The following ACSM2B variants were observed in gnomAD, a reference collection of about 807,000 sequenced individuals.
ACSM2B encodes acyl-CoA synthetase medium chain family member 2B.
ACSM2B carries 58 observed loss-of-function variants against 78.6 expected under a neutral mutation model. The observed-to-expected ratio is 0.74, with a 90% CI of 0.60 to 0.92. ACSM2B has a LOEUF of 0.92. Among genes scored for constraint, ACSM2B ranks in the 40% least tolerant of loss-of-function variants. ACSM2B has a pLI of 0.00. For missense variants in ACSM2B, 688 were observed against 711.2 expected (o/e 0.97, Z 0.37); for synonymous variants, 257 against 256.8 (o/e 1.00, Z -0.01).
intron 5 of ACSM2B, among the ~76,000 whole-genome samples, chr16:20,553,220 A>T (rs1401047237): frequency 1.3e-5 from 2 of 152,182 alleles, no homozygotes; most frequent in Non-Finnish European, 1.5e-5. Flanking sequence ...CTACTAAAAC[A>T]ATTCTGATGA....
intron 2 of ACSM2B, among the ~76,000 whole-genome samples, chr16:20,563,627 A>T (rs887578518): frequency 1.3e-5 from 2 of 151,788 alleles, no homozygotes; most frequent in African/African-American, 4.9e-5. Context: ...CTGTTTGAAA[A>T]TTTTCAATTT....
intron 4 of ACSM2B, among the ~76,000 whole-genome samples, chr16:20,554,387 A>G (rs2015407242): frequency 6.6e-6 from 1 of 152,172 alleles, no homozygotes; most frequent in Non-Finnish European, 1.5e-5. Context: ...CCCTGGAAGC[A>G]CCTACATATC....
At chr16:20,563,233 C>T (rs1333389910) in intron 2 of ACSM2B, among the ~76,000 whole-genome samples, 1 of 152,096 alleles carries the variant, frequency 6.6e-6, no homozygotes, top group East Asian at 1.9e-4. Context: ...ACTTGCATTA[C>T]TCTTATTATG....
chr16:20,554,572 G>A (rs1290122712), intron 4 of ACSM2B, among the ~76,000 whole-genome samples: 2 of 152,312 alleles, frequency 1.3e-5, no homozygotes, highest in East Asian at 3.9e-4. Flanking sequence ...TGTTGACAGA[G>A]AAAATCATTA....
At chr16:20,539,576 C>A (rs552630304) in intron 13 of ACSM2B, among the ~76,000 whole-genome samples, 2 of 151,710 alleles carry the variant, frequency 1.3e-5, no homozygotes, top group African/African-American at 4.9e-5. Flanking sequence ...AGCCACCCCT[C>A]CCTCTCAGTC....
chr16:20,539,967 A>G (rs1050851213), intron 13 of ACSM2B, among the ~76,000 whole-genome samples: 12 of 152,220 alleles, frequency 7.9e-5, no homozygotes, highest in African/African-American at 2.9e-4. Flanking sequence ...AGGACTTTTC[A>G]ATTGCATGAG....
rs2015567162 is a variant in ACSM2B at position 20,559,262 on chromosome 16, C to T, written c.363G>A (p.Leu121=). Residue 121 remains leucine (L), a synonymous_variant, in exon 3 of 14, where the codon CTG becomes CTA. Transcript: ENST00000329697. ...VMLPRVPEWW[L]VILGCIRAGL... ...CTGCTCGAATGCAGCCCAGGATCAC[C>T]AGCCACCACTCAGGCACTCGGGGCA... 1 of 1,613,242 alleles carries T rather than the reference C, an allele frequency of 6.2e-7. No individual in the cohort carries two copies. Among genetic ancestry groups the T allele is most frequent in the African/African-American group, 1.3e-5 (1 of 74,806 alleles).
intron 2 of ACSM2B, among the ~76,000 whole-genome samples, chr16:20,561,552 C>G (rs1321271368): frequency 6.6e-6 from 1 of 151,900 alleles, no homozygotes; most frequent in Non-Finnish European, 1.5e-5. Context: ...TGTCTTCCAC[C>G]AGGCCCTACC....
In ACSM2B at chr16:20,543,362, A is replaced by T. The variant is rs2015053103; in HGVS notation, c.1282-100T>A. On this transcript the variant is annotated intron_variant, in intron 10 of 13. Transcript: ENST00000329697. Reference sequence around the variant, plus strand: ...ATGCTATGAGTCTTATTAAAACTGCAGGTGTGCAGTGTATAACCTGAACAT... The same window carrying T: ...ATGCTATGAGTCTTATTAAAACTGCTGGTGTGCAGTGTATAACCTGAACAT... 11 of 1,587,806 alleles carry T rather than the reference A, an allele frequency of 6.9e-6. No homozygotes were observed. In the Middle Eastern group the frequency reaches 5.0e-4, roughly 73 times the overall value.
chr16:20,564,288 CAG>C (rs2015753313), intron 2 of ACSM2B, among the ~76,000 whole-genome samples: 1 of 151,546 alleles, frequency 6.6e-6, no homozygotes, highest in African/African-American at 2.4e-5. Context: ...TTGGTAGAGA[CAG>C]AGTCTCGCTG....
intron 1 of ACSM2B, among the ~76,000 whole-genome samples, chr16:20,566,448 ATAT>A (rs1391447281): frequency 1.6e-5 from 2 of 126,686 alleles, no homozygotes; most frequent in Admixed American, 9.8e-5. Context: ...TGTATATAAC[ATAT>A]TATATAATAT....
intron 3 of ACSM2B, among the ~76,000 whole-genome samples, chr16:20,557,239 C>G (rs537805225): frequency 6.6e-6 from 1 of 152,272 alleles, no homozygotes; most frequent in East Asian, 1.9e-4. Context: ...ACATGGACAT[C>G]CTGGACTCAA....
intron 4 of ACSM2B, chr16:20,554,143 C>G: frequency 4.2e-6 from 3 of 716,714 alleles, no homozygotes; most frequent in Non-Finnish European, 7.4e-6. Flanking sequence ...CAACCTTAAA[C>G]TACTTATTTA....
At chr16:20,538,277 C>G (rs1199858020) in intron 13 of ACSM2B, among the ~76,000 whole-genome samples, 2 of 152,142 alleles carry the variant, frequency 1.3e-5, no homozygotes, top group East Asian at 1.9e-4. Context: ...TGAAATGGAG[C>G]AGAGGTCAGC....
Position 20,537,473 on chromosome 16 carries a change from G to A in ACSM2B, c.1630-111C>T. 3.3e-6 allele frequency: 4 copies of A among 1,228,786 alleles called. No homozygotes were observed. In the South Asian group the frequency reaches 5.3e-5, roughly 16 times the overall value. 76.1% of individuals were successfully genotyped at this position (1,228,786 alleles called of 1,614,324 possible). A position where few individuals can be genotyped will look rare whatever the true frequency, so the allele number is the denominator to read the frequency against. ...GTTCTTCAGGCTGGAGCCACTTCAG[G>A]GTAGCCGCCCTGTGCAATAAGAAGC... On this transcript the variant is annotated intron_variant, in intron 13 of 13. Transcript: ENST00000329697.
intron 6 of ACSM2B, among the ~76,000 whole-genome samples, chr16:20,550,198 A>G (rs2015267232): frequency 6.6e-6 from 1 of 152,282 alleles, no homozygotes; most frequent in Admixed American, 6.5e-5. Flanking sequence ...TACAAGTTTC[A>G]TCATGAGTTT....
intron 1 of ACSM2B, among the ~76,000 whole-genome samples, chr16:20,573,193 G>C (rs1410089981): frequency 2.6e-5 from 4 of 151,754 alleles, no homozygotes; most frequent in African/African-American, 9.7e-5. Context: ...CATTTGGGTA[G>C]GCTATGTTAG....
At chr16:20,541,625 C>T (rs1271893923) in intron 12 of ACSM2B, 1 of 151,714 alleles carries the variant, frequency 6.6e-6, no homozygotes, top group Non-Finnish European at 1.5e-5. Flanking sequence ...TTACTATGTG[C>T]TAGGCCTTGT....
intron 1 of ACSM2B, among the ~76,000 whole-genome samples, chr16:20,566,643 TAC>T: frequency 8.8e-5 from 1 of 11,394 alleles, no homozygotes; most frequent in Non-Finnish European, 1.4e-4. Context: ...AGTATATATA[TAC>T]TATACTATAT....
Sources: allele counts gnomAD v4.1 joint callset (sites outside exome capture counted in the v4.1 genomes callset), GRCh38; gene constraint gnomAD v4.1.1; transcripts MANE v1.5; gene names NCBI Gene and HGNC (gene_info 2026-07-23, HGNC 2026-07-21).